INPP4B: variants seen among roughly 807,000 people sequenced by gnomAD.
INPP4B encodes the protein inositol polyphosphate-4-phosphatase type II B, also known as inositol polyphosphate 4-phosphatase type II.
INPP4B carries 55 observed loss-of-function variants against 122.5 expected under a neutral mutation model. The observed-to-expected ratio is 0.45, with a 90% CI of 0.36 to 0.56. The LOEUF (loss-of-function observed/expected upper bound fraction) is 0.56. Among genes scored for constraint, INPP4B ranks in the 20% least tolerant of loss-of-function variants. The pLI is 0.00. For missense variants in INPP4B, 1,000 were observed against 1,097.7 expected, an observed-to-expected ratio of 0.91 and a Z score of 1.26; for synonymous variants, 403 against 388.7, an observed-to-expected ratio of 1.04 and a Z score of -0.43.
At chr4:142,619,538 T>C (rs1440696237) in intron 2 of INPP4B, among the ~76,000 whole-genome samples, 2 of 151,584 alleles carry the variant, frequency 1.3e-5, no homozygotes, top group Non-Finnish European at 2.9e-5. Context: ...TATAAAAGAG[T>C]CAGGGAGTTA....
At chr4:142,415,751 C>G (rs889340985) in intron 5 of INPP4B, among the ~76,000 whole-genome samples, 1 of 152,106 alleles carries the variant, frequency 6.6e-6, no homozygotes, top group Non-Finnish European at 1.5e-5. Context: ...TTGGAACCAA[C>G]CCAAATGTCC....
At chr4:142,148,241 TTGTGTG>T (rs57032740) in intron 17 of INPP4B, among the ~76,000 whole-genome samples, 1 of 150,998 alleles carries the variant, frequency 6.6e-6, no homozygotes, top group African/African-American at 2.4e-5. Flanking sequence ...GTGTGTGTGT[TTGTGTG>T]TGTGTGTGTG....
At chr4:142,390,038 A>T (rs1244823913) in intron 7 of INPP4B, among the ~76,000 whole-genome samples, 1 of 152,180 alleles carries the variant, frequency 6.6e-6, no homozygotes, top group East Asian at 1.9e-4. Context: ...TGAACATTGG[A>T]ATAAAAACAA....
At chr4:142,760,756 T>C (rs1771215357) in intron 1 of INPP4B, among the ~76,000 whole-genome samples, 1 of 152,166 alleles carries the variant, frequency 6.6e-6, no homozygotes, top group Non-Finnish European at 1.5e-5. Context: ...CAAACCATGC[T>C]TTCTCTTTTG....
chr4:142,182,706 C>T (rs1579201155), intron 15 of INPP4B, among the ~76,000 whole-genome samples: 2 of 152,032 alleles, frequency 1.3e-5, no homozygotes, highest in East Asian at 1.9e-4. Context: ...TCCTGTATCC[C>T]CTTTCTCAGC....
At chr4:142,842,499 C>A (rs1379637359) in intron 1 of INPP4B, among the ~76,000 whole-genome samples, 1 of 138,276 alleles carries the variant, frequency 7.2e-6, no homozygotes, top group Non-Finnish European at 1.5e-5. Context: ...ACAACTGTGC[C>A]TTATTTAAAA....
At chr4:142,505,165 G>A (rs1297987224) in intron 2 of INPP4B, among the ~76,000 whole-genome samples, 1 of 151,308 alleles carries the variant, frequency 6.6e-6, no homozygotes, top group East Asian at 1.9e-4. Flanking sequence ...CTTGAGCCCA[G>A]GAATTCGAGG....
intron 2 of INPP4B, among the ~76,000 whole-genome samples, chr4:142,485,814 C>G (rs1300752678): frequency 1.3e-5 from 2 of 152,088 alleles, no homozygotes; most frequent in African/African-American, 4.8e-5. Flanking sequence ...ATACAAATTA[C>G]CTCCCACATA....
intron 1 of INPP4B, among the ~76,000 whole-genome samples, chr4:142,776,449 A>T (rs1348818917): frequency 6.6e-6 from 1 of 152,176 alleles, no homozygotes; most frequent in Non-Finnish European, 1.5e-5. Context: ...TTGAGGATAT[A>T]GTGGGAAGCA....
At chr4:142,613,046 A>C (rs1296970634) in intron 2 of INPP4B, among the ~76,000 whole-genome samples, 1 of 152,140 alleles carries the variant, frequency 6.6e-6, no homozygotes, top group South Asian at 2.1e-4. Context: ...TCTTCCTGCT[A>C]ATTAGAATGT....
At chr4:142,447,205 C>T (rs892009501) in intron 3 of INPP4B, among the ~76,000 whole-genome samples, 2 of 152,016 alleles carry the variant, frequency 1.3e-5, no homozygotes, top group South Asian at 2.1e-4. Flanking sequence ...TCTGGCAGGG[C>T]GTGGAGACCA....
In INPP4B at chr4:142,305,334, A is replaced by C; in HGVS notation, c.503+124T>G. The C allele has an allele frequency of 2.8e-6, 2 of 704,728 alleles. 1 individual carries two copies. The highest frequency in any genetic ancestry group is 4.9e-6 in the Non-Finnish European group (2 of 406,368). The allele number at this position is 704,728 out of a possible 1,614,324, so 43.7% of individuals were successfully genotyped here. ...TCACTATAACTTGCTGCAGTGGAGA[A>C]CATTAGCTATTTGAGAACTGACATC... On this transcript the variant is annotated intron_variant, in intron 9 of 25. Coordinates refer to ENST00000262992, the MANE Select transcript of INPP4B (RefSeq NM_001101669.3).
intron 1 of INPP4B, among the ~76,000 whole-genome samples, chr4:142,747,949 C>A (rs1769040312): frequency 6.6e-6 from 1 of 151,954 alleles, no homozygotes; most frequent in African/African-American, 2.4e-5. Context: ...TGTAGCAAAC[C>A]ACCATGGCAC....
intron 7 of INPP4B, among the ~76,000 whole-genome samples, chr4:142,314,973 C>T (rs1436496290): frequency 6.6e-6 from 1 of 152,144 alleles, no homozygotes; most frequent in Non-Finnish European, 1.5e-5. Context: ...TGCCTGGAAC[C>T]TCACTCCATC....
intron 8 of INPP4B, chr4:142,305,757 C>A: frequency 7.3e-7 from 1 of 1,366,346 alleles, no homozygotes; most frequent in African/African-American, 1.5e-5. Flanking sequence ...GAAAAGAGAC[C>A]AACAGGCTAG....
chr4:142,212,683 T>C (rs971836124), intron 12 of INPP4B, among the ~76,000 whole-genome samples: 4 of 152,112 alleles, frequency 2.6e-5, no homozygotes, highest in Non-Finnish European at 5.9e-5. Flanking sequence ...GGGATTCTAA[T>C]TGTGTCCCCT....
chr4:142,724,737 C>T (rs1765120214), intron 2 of INPP4B, among the ~76,000 whole-genome samples: 1 of 152,016 alleles, frequency 6.6e-6, no homozygotes, highest in African/African-American at 2.4e-5. Context: ...ACCTAGAAGC[C>T]AGAAATATGT....
At chr4:142,810,388 C>G (rs1455717106) in intron 1 of INPP4B, among the ~76,000 whole-genome samples, 1 of 152,124 alleles carries the variant, frequency 6.6e-6, no homozygotes, top group Admixed American at 6.6e-5. Context: ...TGCATCCACA[C>G]AGAGTTTAGA....
intron 1 of INPP4B, among the ~76,000 whole-genome samples, chr4:142,842,618 T>C (rs1459950491): frequency 7.4e-6 from 1 of 136,046 alleles, no homozygotes; most frequent in African/African-American, 2.7e-5. Context: ...ATATATAATA[T>C]ATTTATATAT....
Sources: gnomAD v4.1 joint callset for allele counts (sites outside exome capture counted in the v4.1 genomes callset) on GRCh38, gnomAD v4.1.1 for gene constraint, MANE v1.5 for transcripts, NCBI Gene and HGNC (gene_info 2026-07-23, HGNC 2026-07-21) for gene names.